TBC1D19: variants seen among roughly 807,000 people sequenced by gnomAD.
TBC1D19 encodes TBC1 domain family member 19, also known as TBC1 domain family, member 19.
TBC1D19 carries 60 observed loss-of-function variants against 89.0 expected under a neutral mutation model. That is an observed-to-expected ratio of 0.67 (90% CI 0.55 to 0.84). The LOEUF (loss-of-function observed/expected upper bound fraction) is 0.84, where lower values mean the gene tolerates loss of function less well. Ranked by LOEUF, TBC1D19 falls within the 40% of genes least tolerant of loss-of-function variation. The probability of loss-of-function intolerance (pLI) is 0.00; values close to 1 mark genes in which losing one functional copy is unlikely to be tolerated. For missense variants in TBC1D19, 500 were observed against 610.8 expected (o/e 0.82, Z 1.91); for synonymous variants, 189 against 199.7 (o/e 0.95, Z 0.45).
chr4:26,646,039 C>T (rs1318836263), intron 7 of TBC1D19, among the ~76,000 whole-genome samples: 15 of 147,350 alleles, frequency 1.0e-4, no homozygotes, highest in Admixed American at 1.4e-4. Flanking sequence ...AGGAGAATGG[C>T]GTGACCCCGG....
At chr4:26,582,772 T>C (rs528017417), upstream of TBC1D19, among the ~76,000 whole-genome samples, 41 of 152,312 alleles carry the variant, frequency 2.7e-4, no homozygotes, top group South Asian at 8.3e-3. Context: ...CTAAACTTGG[T>C]TTGATAAACC....
intron 15 of TBC1D19, among the ~76,000 whole-genome samples, chr4:26,732,552 A>C (rs1322305024): frequency 2.0e-5 from 3 of 152,230 alleles, no homozygotes; most frequent in Non-Finnish European, 4.4e-5. Context: ...GCAAGGGGGA[A>C]GGGATGGTTG....
At chr4:26,745,029 G>A (rs776051561) in intron 18 of TBC1D19, among the ~76,000 whole-genome samples, 4 of 151,830 alleles carry the variant, frequency 2.6e-5, no homozygotes, top group Non-Finnish European at 4.4e-5. Context: ...TTTTCTTCAC[G>A]TATTTGGATG....
the TBC1D19 span, among the ~76,000 whole-genome samples, chr4:26,817,977 A>C: frequency 8.5e-5 from 9 of 105,500 alleles, no homozygotes; most frequent in African/African-American, 2.8e-4. Context: ...TTAAAAAAAA[A>C]AAAAATATAT....
At chr4:26,776,097 A>G in the TBC1D19 span, among the ~76,000 whole-genome samples, 2 of 152,314 alleles carry the variant, frequency 1.3e-5, no homozygotes, top group South Asian at 2.1e-4. Flanking sequence ...AAAACCTGAA[A>G]TTAGTCAATT....
chr4:26,802,484 C>A, the TBC1D19 span, among the ~76,000 whole-genome samples: 1 of 152,006 alleles, frequency 6.6e-6, no homozygotes, highest in East Asian at 1.9e-4. Context: ...TGCCTGTAAT[C>A]CCAACTACTT....
At chr4:26,823,124 G>T in the TBC1D19 span, among the ~76,000 whole-genome samples, 2 of 152,214 alleles carry the variant, frequency 1.3e-5, no homozygotes, top group Non-Finnish European at 2.9e-5. Context: ...CATGGCAGAA[G>T]GCAAGGAGGA....
intron 11 of TBC1D19, among the ~76,000 whole-genome samples, chr4:26,675,160 A>G (rs939533990): frequency 5.3e-5 from 8 of 152,038 alleles, no homozygotes; most frequent in Non-Finnish European, 1.2e-4. Flanking sequence ...AGAAGATACA[A>G]CTCTTGTCCT....
chr4:26,705,342 C>T (rs1715658378), intron 13 of TBC1D19, among the ~76,000 whole-genome samples: 1 of 152,020 alleles, frequency 6.6e-6, no homozygotes, highest in Non-Finnish European at 1.5e-5. Context: ...GGTATTGTAT[C>T]CAAGAGATCA....
intron 3 of TBC1D19, among the ~76,000 whole-genome samples, chr4:26,618,257 A>G (rs1017133511): frequency 1.3e-5 from 2 of 152,212 alleles, no homozygotes; most frequent in East Asian, 3.8e-4. Context: ...TGATTAGGGA[A>G]ATACAAGGAA....
intron 1 of TBC1D19, among the ~76,000 whole-genome samples, chr4:26,590,800 T>TTTTTTTTTG: frequency 1.8e-5 from 2 of 112,696 alleles, no homozygotes; most frequent in Non-Finnish European, 3.7e-5. Flanking sequence ...AGGTCTGTTT[T>TTTTTTTTTG]TTTTTTTTTT....
At chr4:26,721,455 T>C (rs1457435520) in intron 15 of TBC1D19, among the ~76,000 whole-genome samples, 2 of 152,062 alleles carry the variant, frequency 1.3e-5, no homozygotes, top group Non-Finnish European at 2.9e-5. Context: ...GAACCCTCTC[T>C]TCCACACCAT....
downstream of TBC1D19, among the ~76,000 whole-genome samples, chr4:26,761,057 A>G (rs1226833039): frequency 6.6e-6 from 1 of 152,184 alleles, no homozygotes; most frequent in Non-Finnish European, 1.5e-5. Context: ...TATTCTGTTC[A>G]TGAATTTTTG....
intron 8 of TBC1D19, among the ~76,000 whole-genome samples, chr4:26,660,527 C>A (rs894534052): frequency 6.6e-6 from 1 of 152,182 alleles, no homozygotes; most frequent in African/African-American, 2.4e-5. Context: ...TGGAGCCGGA[C>A]CCTATAAACG....
At chr4:26,720,910 T>TGG (rs1716932483) in intron 15 of TBC1D19, among the ~76,000 whole-genome samples, 1 of 152,110 alleles carries the variant, frequency 6.6e-6, no homozygotes, top group Non-Finnish European at 1.5e-5. Flanking sequence ...GTGCCTGACA[T>TGG]GTAGTGAGTG....
At chr4:26,763,841 A>G in the TBC1D19 span, among the ~76,000 whole-genome samples, 39 of 152,334 alleles carry the variant, frequency 2.6e-4, 1 homozygote, top group East Asian at 5.6e-3. Context: ...GTGATAGAGG[A>G]AGAGGGGTGT....
upstream of TBC1D19, among the ~76,000 whole-genome samples, chr4:26,582,949 G>A (rs1030480217): frequency 1.3e-5 from 2 of 152,054 alleles, no homozygotes; most frequent in South Asian, 2.1e-4. Context: ...TTGGACCATC[G>A]GCATCATAAT....
chr4:26,790,162 G>A, the TBC1D19 span, among the ~76,000 whole-genome samples: 1 of 152,096 alleles, frequency 6.6e-6, no homozygotes, highest in African/African-American at 2.4e-5. Context: ...AACTGCACCT[G>A]TACCTTCTAA....
At chr4:26,590,796 G>GGTTTTTT (rs1739721844) in intron 1 of TBC1D19, among the ~76,000 whole-genome samples, 1 of 52,958 alleles carries the variant, frequency 1.9e-5, no homozygotes, top group African/African-American at 8.3e-5. Flanking sequence ...TTGCAGGTCT[G>GGTTTTTT]TTTTTTTTTT....
Sources: allele counts gnomAD v4.1 joint callset (sites outside exome capture counted in the v4.1 genomes callset), GRCh38; gene constraint gnomAD v4.1.1; transcripts MANE v1.5; gene names NCBI Gene and HGNC (gene_info 2026-07-23, HGNC 2026-07-21).